FGF1: variants seen among roughly 807,000 people sequenced by gnomAD.
The protein encoded by FGF1 is fibroblast growth factor 1.
FGF1 carries 9 observed loss-of-function variants against 13.4 expected under a neutral mutation model. That is an observed-to-expected ratio of 0.67 (90% CI 0.40 to 1.17). The LOEUF (loss-of-function observed/expected upper bound fraction) is 1.17. FGF1 is among the 50% of genes most tolerant of loss of function. The pLI is 0.01. For synonymous variants in FGF1, 93 were observed against 79.0 expected (o/e 1.18, Z -0.94); for missense variants, 156 against 192.7 (o/e 0.81, Z 1.13).
intron 1 of FGF1, among the ~76,000 whole-genome samples, chr5:142,668,513 C>T (rs1180538652): frequency 6.6e-6 from 1 of 152,168 alleles, no homozygotes; most frequent in African/African-American, 2.4e-5. Flanking sequence ...ATACAAGGAA[C>T]TCACCCAGAC....
At chr5:142,675,109 C>T (rs567765641) in intron 1 of FGF1, among the ~76,000 whole-genome samples, 187 of 152,236 alleles carry the variant, frequency 1.2e-3, no homozygotes, top group Middle Eastern at 3.4e-3. Flanking sequence ...GCCTTGGAAA[C>T]GCTCCCCCCT....
chr5:142,620,349 C>T (rs1360261649), intron 1 of FGF1, among the ~76,000 whole-genome samples: 1 of 151,832 alleles, frequency 6.6e-6, no homozygotes, highest in African/African-American at 2.4e-5. Context: ...ACCCAGGAGG[C>T]GGAGCTTGCA....
At chr5:142,663,878 G>A (rs1266652286) in intron 1 of FGF1, among the ~76,000 whole-genome samples, 1 of 152,200 alleles carries the variant, frequency 6.6e-6, no homozygotes, top group Non-Finnish European at 1.5e-5. Flanking sequence ...GGAGAGATGA[G>A]AGAAGGCAAG....
intron 2 of FGF1, among the ~76,000 whole-genome samples, chr5:142,609,190 T>C (rs1187912173): frequency 6.6e-6 from 1 of 152,150 alleles, no homozygotes; most frequent in Non-Finnish European, 1.5e-5. Context: ...TTTTGACCAG[T>C]GAACTCTGCT....
intron 1 of FGF1, among the ~76,000 whole-genome samples, chr5:142,655,886 T>A (rs536905312): frequency 7.9e-5 from 12 of 152,326 alleles, no homozygotes; most frequent in Admixed American, 7.2e-4. Flanking sequence ...GAGCTCAGTG[T>A]GCTGGCCGCG....
At chr5:142,603,699 T>C (rs1252354659) in intron 2 of FGF1, among the ~76,000 whole-genome samples, 1 of 152,164 alleles carries the variant, frequency 6.6e-6, no homozygotes, top group African/African-American at 2.4e-5. Context: ...TTGAATTATG[T>C]CTCCAATAAC....
intron 3 of FGF1, among the ~76,000 whole-genome samples, chr5:142,599,111 A>G (rs1755913427): frequency 6.6e-6 from 1 of 152,194 alleles, no homozygotes; most frequent in Non-Finnish European, 1.5e-5. Flanking sequence ...GACTGTCCTC[A>G]TTTTAGACAA....
chr5:142,630,338 C>T (rs559293337), intron 1 of FGF1, among the ~76,000 whole-genome samples: 28 of 152,140 alleles, frequency 1.8e-4, no homozygotes, highest in Admixed American at 1.4e-3. Context: ...GGGGTTATCA[C>T]GTTAAGTACT....
intron 1 of FGF1, among the ~76,000 whole-genome samples, chr5:142,661,590 G>A (rs888168214): frequency 6.6e-6 from 1 of 152,188 alleles, no homozygotes; most frequent in African/African-American, 2.4e-5. Context: ...AATGATGAGT[G>A]GATAAGCAAA....
intron 1 of FGF1, among the ~76,000 whole-genome samples, chr5:142,676,123 C>A (rs920889179): frequency 2.6e-5 from 4 of 152,116 alleles, no homozygotes; most frequent in Non-Finnish European, 4.4e-5. Context: ...TAATAATCTT[C>A]CCCTGGAAGA....
rs17216930 is a variant in FGF1, at chr5:142,659,819, G to A, written c.-35+26138C>T. On this transcript the variant is annotated intron_variant, in intron 1 of 3. Coordinates refer to ENST00000337706, the MANE Select transcript of FGF1 (RefSeq NM_000800.5). ...GTTTCTCAGCCTGGCCCATCCAAAT[G>A]TCTCCAAATGCTTCTGAGAGAGTCA... Among the ~76,000 whole-genome samples the A allele has an allele frequency of 4.9e-3, 744 of 152,340 alleles. 6 individuals carry two copies. The highest frequency in any genetic ancestry group is 9.7e-3 in the Admixed American group (149 of 15,306).
At chr5:142,619,385 A>G (rs1045770843) in intron 1 of FGF1, among the ~76,000 whole-genome samples, 6 of 152,198 alleles carry the variant, frequency 3.9e-5, no homozygotes, top group African/African-American at 1.4e-4. Context: ...AACCCAGCAT[A>G]TACAAAACAG....
At chr5:142,690,364 A>T (rs1301780132), upstream of FGF1, among the ~76,000 whole-genome samples, 10 of 152,236 alleles carry the variant, frequency 6.6e-5, no homozygotes, top group South Asian at 2.1e-4. Flanking sequence ...ATAAAAAAAA[A>T]TTTTACCTTT....
chr5:142,690,255 G>C (rs1311304628), upstream of FGF1, among the ~76,000 whole-genome samples: 2 of 150,844 alleles, frequency 1.3e-5, no homozygotes, highest in African/African-American at 4.8e-5. Context: ...CGGTGAACCC[G>C]GCGAACCCGG....
At chr5:142,690,812 C>T (rs1356866180), upstream of FGF1, among the ~76,000 whole-genome samples, 2 of 152,232 alleles carry the variant, frequency 1.3e-5, no homozygotes, top group Non-Finnish European at 2.9e-5. Context: ...ACTACCACCA[C>T]CTGCCTCTGC....
chr5:142,657,244 G>GA (rs1018951060), intron 1 of FGF1, among the ~76,000 whole-genome samples: 1 of 152,204 alleles, frequency 6.6e-6, no homozygotes, highest in South Asian at 2.1e-4. Context: ...TAATGTAAAG[G>GA]AAAAAACAAC....
At position 142,683,931 on chromosome 5, in the gene FGF1, C is replaced by T. The variant is rs531502464; in HGVS notation, c.-35+2026G>A. ...TGATCTTTTTAAAATCCTATATATACGAGCATGGTACCTAGGATGGATGTG... is the reference window on the plus strand; with the variant it reads ...TGATCTTTTTAAAATCCTATATATATGAGCATGGTACCTAGGATGGATGTG... On this transcript the variant is annotated intron_variant, in intron 1 of 3. Transcript: ENST00000337706. 6.3e-4 allele frequency among the ~76,000 whole-genome samples: 96 copies of T among 151,370 alleles called. 1 individual carries two copies. Among genetic ancestry groups the T allele is most frequent in the African/African-American group, 1.8e-3 (75 of 41,190 alleles).
At chr5:142,674,108 A>G (rs530504936) in intron 1 of FGF1, among the ~76,000 whole-genome samples, 38 of 152,184 alleles carry the variant, frequency 2.5e-4, no homozygotes, top group African/African-American at 8.7e-4. Flanking sequence ...CACCACTTCT[A>G]TGTCACCTGC....
At chr5:142,628,335 C>A (rs1332561985) in intron 1 of FGF1, among the ~76,000 whole-genome samples, 1 of 152,084 alleles carries the variant, frequency 6.6e-6, no homozygotes, top group Non-Finnish European at 1.5e-5. Context: ...ATGATGAAAC[C>A]CCGTCTCTAC....
Sources: gnomAD v4.1 joint callset for allele counts (sites outside exome capture counted in the v4.1 genomes callset) on GRCh38, gnomAD v4.1.1 for gene constraint, MANE v1.5 for transcripts, NCBI Gene and HGNC (gene_info 2026-07-23, HGNC 2026-07-21) for gene names.